The following LRGUK variants were observed in gnomAD, a reference collection of about 807,000 sequenced individuals.
LRGUK encodes leucine rich repeats and guanylate kinase domain containing, also known as leucine-rich repeat and guanylate kinase domain-containing protein.
Under a neutral mutation model 76.0 loss-of-function variants are expected in LRGUK, and 65 were observed. The observed-to-expected ratio is 0.85, with a 90% confidence interval of 0.70 to 1.05. The LOEUF (loss-of-function observed/expected upper bound fraction) is 1.05, where lower values mean the gene tolerates loss of function less well. Ranked by LOEUF, LRGUK falls within the 50% of genes least tolerant of loss-of-function variation. LRGUK has a pLI of 0.00. For missense variants in LRGUK, 758 were observed against 732.8 expected (o/e 1.03, Z -0.40); for synonymous variants, 268 against 265.6 (o/e 1.01, Z -0.09).
At chr7:134,145,717 A>G (rs547114931) in intron 4 of LRGUK, among the ~76,000 whole-genome samples, 1 of 152,298 alleles carries the variant, frequency 6.6e-6, no homozygotes, top group East Asian at 1.9e-4. Context: ...ACATCTTTCC[A>G]GTAAGTCAGG....
At chr7:134,194,217 G>A (rs1308227110) in intron 12 of LRGUK, among the ~76,000 whole-genome samples, 1 of 151,958 alleles carries the variant, frequency 6.6e-6, no homozygotes, top group African/African-American at 2.4e-5. Flanking sequence ...CTTGTAATGG[G>A]GTCTCTTTTA....
chr7:134,176,338 A>G (rs372103497), intron 8 of LRGUK, among the ~76,000 whole-genome samples: 23 of 152,178 alleles, frequency 1.5e-4, no homozygotes, highest in South Asian at 2.1e-4. Flanking sequence ...TTACCTATGT[A>G]AGAAACCTGC....
chr7:134,185,789 C>A (rs2117030598), intron 11 of LRGUK, among the ~76,000 whole-genome samples: 1 of 152,274 alleles, frequency 6.6e-6, no homozygotes, highest in South Asian at 2.1e-4. Flanking sequence ...AATGTAAACA[C>A]TATTTCAAAC....
downstream of LRGUK, among the ~76,000 whole-genome samples, chr7:134,267,785 A>T (rs2117241352): frequency 6.6e-6 from 1 of 152,182 alleles, no homozygotes; most frequent in Admixed American, 6.5e-5. Flanking sequence ...ACGGACTAAT[A>T]CAGGGGGCAA....
intron 18 of LRGUK, among the ~76,000 whole-genome samples, chr7:134,254,588 G>T (rs1441999343): frequency 1.3e-5 from 2 of 151,962 alleles, no homozygotes; most frequent in Admixed American, 6.5e-5. Context: ...CACCATGAGG[G>T]CCTCACCCTC....
chr7:134,260,800 G>A (rs1049590943), intron 19 of LRGUK, among the ~76,000 whole-genome samples: 1 of 152,164 alleles, frequency 6.6e-6, no homozygotes, highest in African/African-American at 2.4e-5. Flanking sequence ...AGCTATGCCT[G>A]TTTGGGCCAT....
chr7:134,189,435 T>C (rs1262901426), intron 11 of LRGUK, among the ~76,000 whole-genome samples: 1 of 152,160 alleles, frequency 6.6e-6, no homozygotes, highest in Non-Finnish European at 1.5e-5. Flanking sequence ...TATGTGAAAA[T>C]TGGATGATGA....
At chr7:134,252,798 T>C (rs1350109523) in intron 18 of LRGUK, among the ~76,000 whole-genome samples, 2 of 152,188 alleles carry the variant, frequency 1.3e-5, no homozygotes, top group Non-Finnish European at 2.9e-5. Flanking sequence ...ACCCTCAGTA[T>C]GCCTATATCA....
chr7:134,241,518 A>G (rs896117656), intron 16 of LRGUK, among the ~76,000 whole-genome samples: 1 of 152,244 alleles, frequency 6.6e-6, no homozygotes, highest in Non-Finnish European at 1.5e-5. Flanking sequence ...TCCTAAATAT[A>G]TATGCAGCCA....
downstream of LRGUK, among the ~76,000 whole-genome samples, chr7:134,269,419 C>G (rs1283311621): frequency 6.6e-6 from 1 of 150,674 alleles, no homozygotes; most frequent in Non-Finnish European, 1.5e-5. Context: ...GTGGTGCCAC[C>G]ATAGCTTGCT....
At chr7:134,182,313 A>G (rs1056019683) in intron 10 of LRGUK, among the ~76,000 whole-genome samples, 1 of 152,208 alleles carries the variant, frequency 6.6e-6, no homozygotes, top group Non-Finnish European at 1.5e-5. Context: ...TGTCATGAAC[A>G]TTCATGTCCA....
chr7:134,173,053 G>A lies in LRGUK; in HGVS notation c.940-1503G>A, dbSNP rs543751027. On this transcript the variant is annotated intron_variant, in intron 7 of 15. Coordinates refer to ENST00000645682, the Ensembl canonical transcript of LRGUK. Reference sequence around the variant, plus strand: ...TGGAATGCTAGAAGGAAATTAATCCGTTGTTCACAAGTTTACTTTTCCACT... The same window carrying A: ...TGGAATGCTAGAAGGAAATTAATCCATTGTTCACAAGTTTACTTTTCCACT... Among the ~76,000 whole-genome samples, 7 of 152,108 alleles carry A rather than the reference G, an allele frequency of 4.6e-5. No homozygotes were observed. The South Asian group carries it at 6.2e-4, about 14-fold the overall frequency.
rs1428350728 is a variant in LRGUK at position 134,127,453 on chromosome 7, C to A, written c.86C>A (p.Ser29Ter). 6.2e-7 allele frequency: 1 copy of A among 1,613,864 alleles called. No individual in the cohort carries two copies. Among genetic ancestry groups the A allele is most frequent in the Non-Finnish European group, 8.5e-7 (1 of 1,180,026 alleles). ...GGCAGATCCCGAACTGGAGCCCGAT[C>A]GTTACAGTTTCGCGCAGAAAAAGAG... Residue 29 changes from serine to a stop codon, truncating the protein, a stop_gained, in exon 1 of 16, where the codon TCG (serine) becomes TAG (stop). Coordinates refer to ENST00000645682, the Ensembl canonical transcript of LRGUK. LOFTEE classifies it high-confidence loss of function.
At chr7:134,170,616 T>G (rs1799200525) in intron 7 of LRGUK, among the ~76,000 whole-genome samples, 1 of 152,272 alleles carries the variant, frequency 6.6e-6, no homozygotes, top group Middle Eastern at 3.4e-3. Context: ...TCATTACACA[T>G]TGTATGCTTG....
At chr7:134,154,867 G>T (rs1281489976) in intron 5 of LRGUK, among the ~76,000 whole-genome samples, 1 of 152,204 alleles carries the variant, frequency 6.6e-6, no homozygotes, top group Non-Finnish European at 1.5e-5. Flanking sequence ...AGCCTCTAAT[G>T]TCTTAGAAAA....
chr7:134,202,316 A>AG (rs1563180270), intron 15 of LRGUK, among the ~76,000 whole-genome samples: 1 of 115,546 alleles, frequency 8.7e-6, no homozygotes, highest in East Asian at 3.7e-4. Flanking sequence ...TAAAAACAAA[A>AG]TTAAAAAAAA....
intron 16 of LRGUK, among the ~76,000 whole-genome samples, chr7:134,241,522 G>A (rs1236226104): frequency 6.6e-6 from 1 of 152,178 alleles, no homozygotes; most frequent in Admixed American, 6.5e-5. Context: ...AAATATATAT[G>A]CAGCCAATAC....
At position 134,178,483 on chromosome 7, in the gene LRGUK, C is replaced by T; in HGVS notation, c.1108-20C>T. 1 of 1,572,100 alleles carries T rather than the reference C, an allele frequency of 6.4e-7. No homozygotes were observed. The highest frequency in any genetic ancestry group is 2.2e-5 in the East Asian group (1 of 44,448). ...GAAACAAAACTTTTTTTCCCTTTTA[C>T]ATCTCTAATTCTGGAAAAGGTTTCA... On this transcript the variant is annotated intron_variant, in intron 9 of 15. Coordinates refer to ENST00000645682, the Ensembl canonical transcript of LRGUK.
At chr7:134,191,540 A>T in intron 11 of LRGUK, 115 bp from the exon 12 acceptor site, 1 of 740,470 alleles carries the variant, frequency 1.4e-6, no homozygotes, top group Non-Finnish European at 2.3e-6. Context: ...GTATTACTTT[A>T]TGATTTATGA....
Sources: allele counts gnomAD v4.1 joint callset (sites outside exome capture counted in the v4.1 genomes callset), GRCh38; gene constraint gnomAD v4.1.1; transcripts MANE v1.5; gene names NCBI Gene and HGNC (gene_info 2026-07-23, HGNC 2026-07-21).